Variants in MAML3 observed in about 807,000 individuals in gnomAD.
MAML3 encodes the protein mastermind like transcriptional coactivator 3.
MAML3 carries 27 observed loss-of-function variants against 101.9 expected under a neutral mutation model. That is an observed-to-expected ratio of 0.27 (90% CI 0.20 to 0.37). The LOEUF (loss-of-function observed/expected upper bound fraction) is 0.37. Among genes scored for constraint, MAML3 ranks in the 10% least tolerant of loss-of-function variants. The probability of loss-of-function intolerance (pLI) is 1.00; values close to 1 mark genes in which losing one functional copy is unlikely to be tolerated. For synonymous variants in MAML3, 501 were observed against 555.9 expected, an observed-to-expected ratio of 0.90 and a Z score of 1.39; for missense variants, 1,316 against 1,444.9, an observed-to-expected ratio of 0.91 and a Z score of 1.45.
At chr4:140,006,086 T>C (rs1283303933) in intron 1 of MAML3, among the ~76,000 whole-genome samples, 1 of 152,204 alleles carries the variant, frequency 6.6e-6, no homozygotes, top group Non-Finnish European at 1.5e-5. Context: ...CCACTTGAGA[T>C]ATCGTGTGCC....
chr4:140,112,748 G>A (rs1728457429), intron 1 of MAML3, among the ~76,000 whole-genome samples: 1 of 152,198 alleles, frequency 6.6e-6, no homozygotes, highest in African/African-American at 2.4e-5. Context: ...TTACTTCCCT[G>A]CTTGTGCCAG....
In MAML3 at chr4:139,974,305, C is replaced by T. The variant is rs983354935; in HGVS notation, c.469-83338G>A. ...TATTTTTAGCAGAGACAGGGTTTCA[C>T]AGTGTTAGCCAGGATGGTCTCGATC... is the stretch of plus-strand genomic sequence containing the variant. On this transcript the variant is annotated intron_variant, in intron 1 of 4. Coordinates refer to ENST00000509479, the MANE Select transcript of MAML3 (RefSeq NM_018717.5). Among the ~76,000 whole-genome samples, 3 of 152,054 alleles carry T rather than the reference C, an allele frequency of 2.0e-5. 1 individual carries two copies. Among genetic ancestry groups the T allele is most frequent in the Non-Finnish European group, 2.9e-5 (2 of 68,002 alleles).
intron 2 of MAML3, 35 bp from the exon 3 acceptor site, chr4:139,730,702 C>T (rs777796661): frequency 1.3e-6 from 2 of 1,577,318 alleles, no homozygotes; most frequent in Non-Finnish European, 8.7e-7. Flanking sequence ...TGCAGGGATT[C>T]CCCATAGAGA....
rs1402671 is a variant in MAML3, at chr4:140,023,690, A to G, written c.468+129170T>C. Reference sequence around the variant, plus strand: ...TATGCAAGTTTAATAAACATAATTCACCCAAAACAGAGAAATGAAGCAAAT... The same window carrying G: ...TATGCAAGTTTAATAAACATAATTCGCCCAAAACAGAGAAATGAAGCAAAT... On this transcript the variant is annotated intron_variant, in intron 1 of 4. Transcript: ENST00000509479. Among the ~76,000 whole-genome samples the G allele has an allele frequency of 6.9e-3, 1,045 of 152,208 alleles. 13 individuals carry two copies. Among genetic ancestry groups the G allele is most frequent in the African/African-American group, 0.024 (994 of 41,554 alleles).
chr4:139,880,779 C>T (rs906549638), intron 2 of MAML3, among the ~76,000 whole-genome samples: 16 of 152,076 alleles, frequency 1.1e-4, no homozygotes, highest in Admixed American at 7.2e-4. Context: ...GGACAATATT[C>T]GATATTCAAC....
chr4:139,952,770 G>A (rs1733853476), intron 1 of MAML3, among the ~76,000 whole-genome samples: 2 of 152,194 alleles, frequency 1.3e-5, no homozygotes, highest in Admixed American at 6.5e-5. Context: ...GAAATGATGT[G>A]TGCCATTTCT....
intron 1 of MAML3, among the ~76,000 whole-genome samples, chr4:140,094,157 T>G (rs1728110634): frequency 6.6e-6 from 1 of 152,198 alleles, no homozygotes; most frequent in Non-Finnish European, 1.5e-5. Context: ...CATCAGGATT[T>G]CATCCAGGTA....
At chr4:139,724,774 TC>T (rs1478130367) in intron 4 of MAML3, among the ~76,000 whole-genome samples, 1 of 122,752 alleles carries the variant, frequency 8.1e-6, no homozygotes, top group East Asian at 2.4e-4. Context: ...CCCTCAAGGG[TC>T]TTTTTTTTTT....
chr4:139,985,290 T>C (rs762831051), intron 1 of MAML3, among the ~76,000 whole-genome samples: 2 of 152,162 alleles, frequency 1.3e-5, no homozygotes, highest in Non-Finnish European at 2.9e-5. Context: ...TGCCAATGAC[T>C]CAAGAGTGAG....
intron 2 of MAML3, among the ~76,000 whole-genome samples, chr4:139,885,805 C>T (rs1031259318): frequency 4.2e-4 from 63 of 148,944 alleles, no homozygotes; most frequent in African/African-American, 1.4e-3. Flanking sequence ...TGCCGGCAGG[C>T]GCCTGTAGTC....
intron 2 of MAML3, among the ~76,000 whole-genome samples, chr4:139,810,245 T>C (rs1730773489): frequency 6.9e-6 from 1 of 144,678 alleles, no homozygotes; most frequent in African/African-American, 2.6e-5. Context: ...CAGGCTGGAG[T>C]GCAGTGGCCC....
At chr4:139,848,294 A>G (rs768821820) in intron 2 of MAML3, among the ~76,000 whole-genome samples, 1 of 152,210 alleles carries the variant, frequency 6.6e-6, no homozygotes, top group Admixed American at 6.5e-5. Flanking sequence ...TCACCAGGGC[A>G]CCGTTAAAGC....
At chr4:140,072,716 T>C (rs914557827) in intron 1 of MAML3, among the ~76,000 whole-genome samples, 5 of 151,630 alleles carry the variant, frequency 3.3e-5, no homozygotes, top group Admixed American at 1.3e-4. Context: ...GTAAGTTATA[T>C]GCAAATACAA....
chr4:139,835,106 G>A lies in MAML3; in HGVS notation c.2079+54251C>T, dbSNP rs189513876. 8.8e-4 allele frequency among the ~76,000 whole-genome samples: 134 copies of A among 152,350 alleles called. 1 individual carries two copies. The highest frequency in any genetic ancestry group is 3.1e-3 in the African/African-American group (130 of 41,584). On this transcript the variant is annotated intron_variant, in intron 2 of 4. Coordinates refer to ENST00000509479, the MANE Select transcript of MAML3 (RefSeq NM_018717.5). ...CTTCTGATGTGTGTTCTTGCATAGT[G>A]TTTTGGATTTAACTAGAATGAACTA...
At chr4:139,772,727 T>A (rs1268773740) in intron 2 of MAML3, among the ~76,000 whole-genome samples, 1 of 151,924 alleles carries the variant, frequency 6.6e-6, no homozygotes, top group African/African-American at 2.4e-5. Context: ...GTAAAATGAG[T>A]CAGTCAATGT....
intron 1 of MAML3, among the ~76,000 whole-genome samples, chr4:139,952,661 A>T (rs1475520816): frequency 6.6e-6 from 1 of 152,202 alleles, no homozygotes; most frequent in Non-Finnish European, 1.5e-5. Context: ...TGTAAATTTG[A>T]TGCTGGTGAG....
At chr4:139,941,211 T>C (rs938812617) in intron 1 of MAML3, among the ~76,000 whole-genome samples, 3 of 152,232 alleles carry the variant, frequency 2.0e-5, no homozygotes, top group Non-Finnish European at 4.4e-5. Context: ...TGGAATTTGG[T>C]AATAAATTAT....
intron 1 of MAML3, among the ~76,000 whole-genome samples, chr4:139,989,815 C>A (rs1734623692): frequency 6.6e-6 from 1 of 150,654 alleles, no homozygotes; most frequent in African/African-American, 2.4e-5. Context: ...CCCTTGGTAC[C>A]ACTGCTGACC....
chr4:139,802,070 C>T (rs1397990671), intron 2 of MAML3, among the ~76,000 whole-genome samples: 3 of 152,098 alleles, frequency 2.0e-5, no homozygotes, highest in Non-Finnish European at 4.4e-5. Context: ...CCCTACGGCT[C>T]GGATCGGCAA....
Sources: allele counts gnomAD v4.1 joint callset (sites outside exome capture counted in the v4.1 genomes callset), GRCh38; gene constraint gnomAD v4.1.1; transcripts MANE v1.5; gene names NCBI Gene and HGNC (gene_info 2026-07-23, HGNC 2026-07-21).